Variants in SLX4 observed in about 807,000 individuals in gnomAD.
SLX4 encodes the protein structure-specific endonuclease subunit SLX4.
A neutral mutation model predicts 146.2 loss-of-function variants in SLX4; 112 were observed. The observed-to-expected ratio is 0.77, with a 90% confidence interval of 0.66 to 0.90. SLX4 has a LOEUF of 0.90. SLX4 is among the 40% of genes least tolerant of loss of function. SLX4 has a pLI of 0.00. For missense variants in SLX4, 2,563 were observed against 2,392.7 expected (o/e 1.07, Z -1.49); for synonymous variants, 1,061 against 997.7 (o/e 1.06, Z -1.20).
intron 3 of SLX4, among the ~76,000 whole-genome samples, chr16:3,605,381 G>A (rs1194885609): frequency 1.3e-5 from 2 of 151,894 alleles, no homozygotes; most frequent in East Asian, 2.0e-4. Flanking sequence ...GAGCCACCAC[G>A]CCTGGCCCCT....
chr16:3,608,329 T>C lies in SLX4; in HGVS notation c.535+101A>G, dbSNP rs2040808916. ...TTCTCACTATGACAGCAGAGTTGAG[T>C]AGTTGTGACAGAGTCTGTGTGGCCT... On this transcript the variant is annotated intron_variant, in intron 2 of 14. Coordinates refer to ENST00000294008, the MANE Select transcript of SLX4 (RefSeq NM_032444.4). The C allele has an allele frequency of 2.5e-6, 3 of 1,177,316 alleles. No individual in the cohort carries two copies. The South Asian group carries it at 3.7e-5, about 15-fold the overall frequency. The allele number at this position is 1,177,316 out of a possible 1,614,324, so 72.9% of individuals were successfully genotyped here. A position where few individuals can be genotyped will look rare whatever the true frequency, so the allele number is the denominator to read the frequency against.
At position 3,581,688 on chromosome 16, in the gene SLX4, C is replaced by G. The variant is rs901711994; in HGVS notation, c.*654G>C. On this transcript the variant is annotated 3_prime_UTR_variant, in exon 15 of 15. Coordinates refer to ENST00000294008, the MANE Select transcript of SLX4 (RefSeq NM_032444.4). The stretch of plus-strand genomic sequence containing the variant: ...GCAAATGTGGCAGAATAGGCCATGC[C>G]CTGGCCAGCTGGTGATGGCCCACTG... The G allele has an allele frequency of 2.9e-4, 46 of 156,216 alleles. No individual in the cohort carries two copies. Among genetic ancestry groups the G allele is most frequent in the Admixed American group, 2.5e-3 (40 of 16,098 alleles). The allele number at this position is 156,216 out of a possible 1,614,324, so 9.7% of individuals were successfully genotyped here. A position where few individuals can be genotyped will look rare whatever the true frequency, so the allele number is the denominator to read the frequency against.
At chr16:3,596,507 T>G in intron 7 of SLX4, 114 bp from the exon 8 acceptor site, 1 of 1,305,138 alleles carries the variant, frequency 7.7e-7, no homozygotes, top group Non-Finnish European at 1.0e-6. Context: ...GAGCAGGATG[T>G]GGGCTGTGGG....
At chr16:3,598,518 G>A (rs190739371) in intron 5 of SLX4, among the ~76,000 whole-genome samples, 51 of 152,324 alleles carry the variant, frequency 3.3e-4, no homozygotes, top group African/African-American at 1.2e-3. Flanking sequence ...CAGCCGCCCC[G>A]GGACTCTGCA....
rs200407926 is a variant in SLX4, at chr16:3,589,969, C to T, written c.3669G>A (p.Pro1223=). The part of the protein sequence containing the change: ...VLQQEDEGAL[P]ENRGSLGRRG... ...TCCTGCCCAAAGAGCCCCGATTCTCCGGCAGCGCCCCCTCATCCTCCTGCT... is the reference window on the plus strand; with the variant it reads ...TCCTGCCCAAAGAGCCCCGATTCTCTGGCAGCGCCCCCTCATCCTCCTGCT... The change falls in exon 12 of 15, where the codon CCG becomes CCA. Residue 1223 remains proline (P), a synonymous_variant. Transcript: ENST00000294008. The surrounding 1 kb of genome is among the most constrained non-coding windows in gnomAD (Gnocchi z 6.2). 2.4e-5 allele frequency: 38 copies of T among 1,613,962 alleles called. No individual in the cohort carries two copies. The highest frequency in any genetic ancestry group is 1.0e-4 in the Admixed American group (6 of 60,008).
chr16:3,600,815 C>T (rs936219828), intron 5 of SLX4, 164 bp downstream of exon 5: 19 of 683,830 alleles, frequency 2.8e-5, no homozygotes, highest in South Asian at 1.5e-4. Flanking sequence ...AGGCTGGTAT[C>T]GAACTCCTGA....
At chr16:3,588,272 G>C (rs2040530797) in intron 12 of SLX4, among the ~76,000 whole-genome samples, 1 of 152,128 alleles carries the variant, frequency 6.6e-6, no homozygotes, top group East Asian at 1.9e-4. Context: ...CCACTAACCT[G>C]CATTTTCTCT....
intron 9 of SLX4, 123 bp downstream of exon 9, chr16:3,595,482 G>C: frequency 9.5e-7 from 1 of 1,048,362 alleles, no homozygotes; most frequent in South Asian, 1.3e-5. Context: ...CTGGAAAGCA[G>C]AGGCCTTGAG....
intron 1 of SLX4, among the ~76,000 whole-genome samples, chr16:3,611,213 C>T (rs2040865543): frequency 6.6e-6 from 1 of 152,234 alleles, no homozygotes; most frequent in Non-Finnish European, 1.5e-5. Flanking sequence ...ACCCGGCGAC[C>T]TACGGAAAGG....
Position 3,582,244 on chromosome 16 carries a change from T to C in SLX4, c.*98A>G, listed in dbSNP as rs551538592. On this transcript the variant is annotated 3_prime_UTR_variant, in exon 15 of 15. Coordinates refer to ENST00000294008, the MANE Select transcript of SLX4 (RefSeq NM_032444.4). Reference sequence around the variant, plus strand: ...TGGTCCCCAGGCCCAGAAATGCCTGTGGAGGCCTGACCCACGCTGGGTGTC... The same window carrying C: ...TGGTCCCCAGGCCCAGAAATGCCTGCGGAGGCCTGACCCACGCTGGGTGTC... 2.1e-4 allele frequency: 207 copies of C among 1,009,340 alleles called. No individual in the cohort carries two copies. The East Asian group carries it at 5.3e-3, about 26-fold the overall frequency. The allele number at this position is 1,009,340 out of a possible 1,614,324, so 62.5% of individuals were successfully genotyped here. A position where few individuals can be genotyped will look rare whatever the true frequency, so the allele number is the denominator to read the frequency against.
Position 3,589,935 on chromosome 16 carries a change from G to A in SLX4, c.3703C>T (p.Pro1235Ser), listed in dbSNP as rs1421765571. 1 of 1,613,924 alleles carries A rather than the reference G, an allele frequency of 6.2e-7. No homozygotes were observed. Among genetic ancestry groups the A allele is most frequent in the African/African-American group, 1.3e-5 (1 of 75,006 alleles). ...NRGSLGRRGA[P>S]WLFCDRESSP... ...CTCTCACGGTCACAGAACAGCCAGG[G>A]AGCCCCTCTCCTGCCCAAAGAGCCC... The change falls in exon 12 of 15, where the codon CCC becomes TCC. Residue 1235 changes from proline (P) to serine (S), a missense_variant. By Grantham distance (74) the Pro-to-Ser change is moderately conservative. Coordinates refer to ENST00000294008, the MANE Select transcript of SLX4 (RefSeq NM_032444.4). The surrounding 1 kb of genome is among the most constrained non-coding windows in gnomAD (Gnocchi z 6.2).
chr16:3,605,677 G>A, intron 3 of SLX4, among the ~76,000 whole-genome samples: 1 of 152,070 alleles, frequency 6.6e-6, no homozygotes, highest in African/African-American at 2.4e-5. Flanking sequence ...GCCAGGCACA[G>A]TGGCTCACGC....
intron 3 of SLX4, among the ~76,000 whole-genome samples, chr16:3,605,729 C>T (rs932797910): frequency 6.0e-5 from 9 of 151,206 alleles, no homozygotes; most frequent in Non-Finnish European, 1.0e-4. Context: ...GGGTGGATCA[C>T]GAGGTCAGGA....
chr16:3,598,018 G>A lies in SLX4; in HGVS notation c.1164-19C>T. 6.2e-7 allele frequency: 1 copy of A among 1,614,046 alleles called. No individual in the cohort carries two copies. The highest frequency in any genetic ancestry group is 8.5e-7 in the Non-Finnish European group (1 of 1,179,994). On this transcript the variant is annotated intron_variant, in intron 5 of 14. Transcript: ENST00000294008. The stretch of plus-strand genomic sequence containing the variant: ...ACTGAAGCTAGAAAACAGCCAAAGA[G>A]AAAAGTTACTGGGGCTAGAGGAGTG...
At position 3,597,667 on chromosome 16, in the gene SLX4, C is replaced by T. The variant is rs569518866; in HGVS notation, c.1395G>A (p.Pro465=). 25 of 1,601,242 alleles carry T rather than the reference C, an allele frequency of 1.6e-5. No individual in the cohort carries two copies. Among genetic ancestry groups the T allele is most frequent in the African/African-American group, 2.7e-5 (2 of 74,304 alleles). Reference sequence around the variant, plus strand: ...GGACTAACAACAATGGGGGGGATACCGGGGGTTTCTTCTTGCGACTTTTAT... The same window carrying T: ...GGACTAACAACAATGGGGGGGATACTGGGGGTTTCTTCTTGCGACTTTTAT... ...AENKSRKKKP[P]VSPPLLLVQD... The change falls in exon 7 of 15, where the codon CCG becomes CCA. Residue 465 remains proline (P), a synonymous_variant. Coordinates refer to ENST00000294008, the MANE Select transcript of SLX4 (RefSeq NM_032444.4). This position sits in a 1 kb window ranked among gnomAD's most constrained non-coding sequence, Gnocchi z 4.4.
At chr16:3,598,420 C>T (rs1303007564) in intron 5 of SLX4, among the ~76,000 whole-genome samples, 2 of 152,202 alleles carry the variant, frequency 1.3e-5, no homozygotes, top group African/African-American at 2.4e-5. Context: ...GGATCCCTTC[C>T]CTCCTGCAAG....
chr16:3,598,197 C>G (rs1329927421), intron 5 of SLX4, among the ~76,000 whole-genome samples, 198 bp from the exon 6 acceptor site: 2 of 152,180 alleles, frequency 1.3e-5, no homozygotes, highest in African/African-American at 4.8e-5. Flanking sequence ...GGCCCAGGCA[C>G]AGGAGGGTCT....
In SLX4 at chr16:3,597,286, T is replaced by C. The variant is rs2040671445; in HGVS notation, c.1683+93A>G. The C allele has an allele frequency of 2.9e-6, 4 of 1,392,708 alleles. No individual in the cohort carries two copies. The highest frequency in any genetic ancestry group is 3.0e-5 in the South Asian group (2 of 67,136). 86.3% of individuals were successfully genotyped at this position (1,392,708 alleles called of 1,614,324 possible). On this transcript the variant is annotated intron_variant, in intron 7 of 14. Coordinates refer to ENST00000294008, the MANE Select transcript of SLX4 (RefSeq NM_032444.4). This position sits in a 1 kb window ranked among gnomAD's most constrained non-coding sequence, Gnocchi z 4.4. ...GCCTCTGCCTTTCCTTCCTGGACTT[T>C]CCATCACCTGGCTGTGGGTACCCAG...
At chr16:3,605,970 A>G (rs1321357225) in intron 3 of SLX4, among the ~76,000 whole-genome samples, 2 of 143,036 alleles carry the variant, frequency 1.4e-5, no homozygotes, top group Admixed American at 7.1e-5. Flanking sequence ...AAAAAAAAAA[A>G]GGAAGAGGGC....
Sources: gnomAD v4.1 joint callset for allele counts (sites outside exome capture counted in the v4.1 genomes callset) on GRCh38, gnomAD v4.1.1 for gene constraint, Gnocchi (gnomAD v3.1) non-coding constraint, MANE v1.5 for transcripts, NCBI Gene and HGNC (gene_info 2026-07-23, HGNC 2026-07-21) for gene names.